Variants in ATL3 observed in about 807,000 individuals in gnomAD.
ATL3 encodes atlastin GTPase 3.
ATL3 carries 49 observed loss-of-function variants against 69.5 expected under a neutral mutation model. The observed-to-expected ratio is 0.71, with a 90% CI of 0.56 to 0.89. The LOEUF (loss-of-function observed/expected upper bound fraction) is 0.89. ATL3 is among the 40% of genes least tolerant of loss of function. ATL3 has a pLI of 0.00. For missense variants in ATL3, 606 were observed against 645.7 expected, an observed-to-expected ratio of 0.94 and a Z score of 0.67; for synonymous variants, 214 against 224.1, an observed-to-expected ratio of 0.95 and a Z score of 0.40.
chr11:63,651,604 G>A (rs1203029744), intron 5 of ATL3, among the ~76,000 whole-genome samples: 1 of 151,880 alleles, frequency 6.6e-6, no homozygotes, highest in East Asian at 1.9e-4. Context: ...CCTACCCACC[G>A]GCCTCCCTGC....
rs747937779 is a variant in ATL3 at position 63,671,356 on chromosome 11, A to G, written c.-21T>C. Reference sequence around the variant, plus strand: ...AACATGGAGCCTCCGCCTTCAAAGCAGAAGCAGCAGGGGTGCAGAGGAGAG... The same window carrying G: ...AACATGGAGCCTCCGCCTTCAAAGCGGAAGCAGCAGGGGTGCAGAGGAGAG... On this transcript the variant is annotated 5_prime_UTR_variant, in exon 1 of 13. Coordinates refer to ENST00000398868, the MANE Select transcript of ATL3 (RefSeq NM_015459.5). The G allele has an allele frequency of 1.1e-5, 18 of 1,576,302 alleles. No homozygotes were observed. The South Asian group carries it at 2.0e-4, about 17-fold the overall frequency.
intron 3 of ATL3, among the ~76,000 whole-genome samples, chr11:63,652,906 A>G (rs539168439): frequency 1.2e-4 from 19 of 152,318 alleles, no homozygotes; most frequent in Non-Finnish European, 2.2e-4. Flanking sequence ...AAAAATATTC[A>G]TCTTGGCCAG....
At position 63,644,562 on chromosome 11, in the gene ATL3, T is replaced by A. The variant is rs150278071; in HGVS notation, c.619-301A>T. ...ATGCCACTACTCCTGGCTTATTTTTTAATTTTTTTATATAGACAAGGTCTT... is the reference window on the plus strand; with the variant it reads ...ATGCCACTACTCCTGGCTTATTTTTAAATTTTTTTATATAGACAAGGTCTT... On this transcript the variant is annotated intron_variant, in intron 6 of 12. Coordinates refer to ENST00000398868, the MANE Select transcript of ATL3 (RefSeq NM_015459.5). Among the ~76,000 whole-genome samples the A allele has an allele frequency of 8.7e-3, 1,322 of 152,080 alleles. 17 individuals carry two copies. The highest frequency in any genetic ancestry group is 0.03 in the African/African-American group (1,251 of 41,496).
intron 3 of ATL3, among the ~76,000 whole-genome samples, chr11:63,656,160 C>T (rs1412207962): frequency 1.3e-5 from 2 of 150,028 alleles, no homozygotes; most frequent in Non-Finnish European, 3.0e-5. Flanking sequence ...GGAGGCGGAG[C>T]TTGCAGTGAG....
At position 63,628,628 on chromosome 11, in the gene ATL3, G is replaced by A. The variant is rs1939200394; in HGVS notation, c.*691C>T. 6.6e-6 allele frequency: 1 copy of A among 152,256 alleles called. No homozygotes were observed. Among genetic ancestry groups the A allele is most frequent in the South Asian group, 2.1e-4 (1 of 4,824 alleles). 9.4% of individuals were successfully genotyped at this position (152,256 alleles called of 1,614,324 possible). A position where few individuals can be genotyped will look rare whatever the true frequency, so the allele number is the denominator to read the frequency against. On this transcript the variant is annotated 3_prime_UTR_variant, in exon 13 of 13. Coordinates refer to ENST00000398868, the MANE Select transcript of ATL3 (RefSeq NM_015459.5). ...GGGCAGGCGGATCACAAGGTCAAGA[G>A]ACCAAGACCATCCTGGCCAACATGG...
chr11:63,644,133 T>G, intron 7 of ATL3, 36 bp downstream of exon 7: 10 of 1,377,718 alleles, frequency 7.3e-6, no homozygotes, highest in Non-Finnish European at 1.0e-5. Context: ...ATCACTACTT[T>G]GAGATAATTC....
upstream of ATL3, chr11:63,671,453 C>G (rs775891493): frequency 6.7e-7 from 1 of 1,487,178 alleles, no homozygotes; most frequent in Non-Finnish European, 8.9e-7. Flanking sequence ...CTAGAAAAAA[C>G]TAGCCAGAAG....
intron 8 of ATL3, among the ~76,000 whole-genome samples, chr11:63,641,667 G>C (rs1939704793): frequency 6.6e-6 from 1 of 152,130 alleles, no homozygotes; most frequent in African/African-American, 2.4e-5. Flanking sequence ...TTGGACTTCT[G>C]GCTCCCTGAC....
At chr11:63,632,965 T>A in intron 11 of ATL3, 61 bp downstream of exon 11, 12 of 1,495,384 alleles carry the variant, frequency 8.0e-6, no homozygotes, top group Non-Finnish European at 1.1e-5. Context: ...GTTGGGCTTT[T>A]GAAGTCAGCA....
chr11:63,631,025 A>G lies in ATL3; in HGVS notation c.1539+15T>C, dbSNP rs1340044894. On this transcript the variant is annotated intron_variant, in intron 12 of 12. Transcript: ENST00000398868. ...CCCATTATCAACCCTCAGGCTCTTC[A>G]GCAGCACCACTTACCTGCTCCAACA... The G allele has an allele frequency of 8.4e-7, 1 of 1,191,416 alleles. No homozygotes were observed. The highest frequency in any genetic ancestry group is 2.2e-5 in the East Asian group (1 of 44,456). 73.8% of individuals were successfully genotyped at this position (1,191,416 alleles called of 1,614,324 possible). A position where few individuals can be genotyped will look rare whatever the true frequency, so the allele number is the denominator to read the frequency against.
In ATL3 at chr11:63,627,596, A is replaced by C. The variant is rs948174165; in HGVS notation, c.*1723T>G. ...TCATGTATATAAAATTTACACTCTT[A>C]CCTCCCTCCCATAACAAAAGTTAAA... On this transcript the variant is annotated 3_prime_UTR_variant, in exon 13 of 13. Transcript: ENST00000398868. 6.6e-6 allele frequency: 1 copy of C among 152,128 alleles called. No individual in the cohort carries two copies. The highest frequency in any genetic ancestry group is 1.5e-5 in the Non-Finnish European group (1 of 68,010). The allele number at this position is 152,128 out of a possible 1,614,324, so 9.4% of individuals were successfully genotyped here.
In ATL3 at chr11:63,631,106, C is replaced by T; in HGVS notation, c.1473G>A (p.Arg491=). 3 of 1,614,148 alleles carry T rather than the reference C, an allele frequency of 1.9e-6. No individual in the cohort carries two copies. The highest frequency in any genetic ancestry group is 1.3e-5 in the African/African-American group (1 of 75,034). ...CCAGCTCACGATATTGACCAGAATA[C>T]CTGATGTAGCCCCAGGTGAGGAGTG... ...LIALLTWGYI[R]YSGQYRELGG... is the part of the protein sequence containing the mutation. The change falls in exon 12 of 13, where the codon AGG becomes AGA. Residue 491 remains arginine, a synonymous_variant. Coordinates refer to ENST00000398868, the MANE Select transcript of ATL3 (RefSeq NM_015459.5).
chr11:63,671,028 C>G (rs1469398512), intron 1 of ATL3, among the ~76,000 whole-genome samples: 1 of 152,122 alleles, frequency 6.6e-6, no homozygotes, highest in Non-Finnish European at 1.5e-5. Context: ...GAGGAGCCCC[C>G]GGCGGCACCA....
intron 10 of ATL3, among the ~76,000 whole-genome samples, chr11:63,635,309 G>C (rs915893969): frequency 1.3e-5 from 2 of 152,152 alleles, no homozygotes; most frequent in African/African-American, 4.8e-5. Flanking sequence ...ACTAGGCCCA[G>C]TGAGGAGAGG....
chr11:63,671,707 G>C (rs1472181600), upstream of ATL3: 12 of 1,295,688 alleles, frequency 9.3e-6, no homozygotes, highest in East Asian at 2.3e-4. Flanking sequence ...CCCGGCCAGC[G>C]GTCCTCATAC....
intron 1 of ATL3, among the ~76,000 whole-genome samples, chr11:63,668,790 C>CTTTTTTTTT (rs386373974): frequency 1.2e-5 from 1 of 81,492 alleles, no homozygotes; most frequent in Non-Finnish European, 2.3e-5. Flanking sequence ...AGCTGTGTTC[C>CTTTTTTTTT]TTTTTTTTTT....
chr11:63,656,788 G>A (rs1162899884), intron 3 of ATL3, among the ~76,000 whole-genome samples: 1 of 150,940 alleles, frequency 6.6e-6, no homozygotes, highest in Non-Finnish European at 1.5e-5. Flanking sequence ...CACCTTTGAA[G>A]TACTGAGAAA....
At chr11:63,657,696 G>A (rs1940299452) in intron 3 of ATL3, among the ~76,000 whole-genome samples, 1 of 152,080 alleles carries the variant, frequency 6.6e-6, no homozygotes, top group Non-Finnish European at 1.5e-5. Context: ...CAATCAATAT[G>A]TATTAATTTT....
chr11:63,670,728 G>A (rs959551164), intron 1 of ATL3, among the ~76,000 whole-genome samples: 13 of 152,234 alleles, frequency 8.5e-5, no homozygotes, highest in African/African-American at 3.1e-4. Context: ...TAATACTTGT[G>A]GTCAGTGCCT....
Sources: allele counts gnomAD v4.1 joint callset (sites outside exome capture counted in the v4.1 genomes callset), GRCh38; gene constraint gnomAD v4.1.1; transcripts MANE v1.5; gene names NCBI Gene and HGNC (gene_info 2026-07-23, HGNC 2026-07-21).